Variants in RPTOR observed in about 807,000 individuals in gnomAD.
RPTOR encodes regulatory associated protein of MTOR complex 1.
In RPTOR, 21 loss-of-function variants were observed where a neutral mutation model predicts 169.9. The observed-to-expected ratio is 0.12, with a 90% CI of 0.09 to 0.18. The LOEUF (loss-of-function observed/expected upper bound fraction) is 0.18, where lower values mean the gene tolerates loss of function less well. Ranked by LOEUF, RPTOR falls within the 10% of genes least tolerant of loss-of-function variation. The probability of loss-of-function intolerance (pLI) is 1.00; values close to 1 mark genes in which losing one functional copy is unlikely to be tolerated. For synonymous variants in RPTOR, 732 were observed against 753.2 expected, an observed-to-expected ratio of 0.97 and a Z score of 0.46; for missense variants, 1,133 against 1,855.9, an observed-to-expected ratio of 0.61 and a Z score of 7.16.
At chr17:80,867,968 G>A (rs952830261) in intron 13 of RPTOR, among the ~76,000 whole-genome samples, 1 of 152,106 alleles carries the variant, frequency 6.6e-6, no homozygotes, top group African/African-American at 2.4e-5. Flanking sequence ...CTTTGAAAAA[G>A]AAAAACACAG....
In RPTOR at chr17:80,609,163, C is replaced by T. The variant is rs755272223; in HGVS notation, c.163-16528C>T. Among the ~76,000 whole-genome samples, 6 of 152,058 alleles carry T rather than the reference C, an allele frequency of 3.9e-5. No individual in the cohort carries two copies. The highest frequency in any genetic ancestry group is 1.9e-4 in the East Asian group (1 of 5,176). On this transcript the variant is annotated intron_variant, in intron 1 of 33. Transcript: ENST00000306801. This position sits in a 1 kb window ranked among gnomAD's most constrained non-coding sequence, Gnocchi z 4.8. ...CTAGCCTGCCTCGGGCTGCAGGGGG[C>T]GGGGAGCACATGCGGCGTGCAGACC...
At chr17:80,743,537 A>T (rs905130979) in intron 5 of RPTOR, 5 of 820,270 alleles carry the variant, frequency 6.1e-6, no homozygotes, top group Non-Finnish European at 7.4e-6. Context: ...GAAAGAGGTC[A>T]TCAGTTCTTG....
chr17:80,586,055 C>T (rs1392532316), intron 1 of RPTOR, among the ~76,000 whole-genome samples: 1 of 152,046 alleles, frequency 6.6e-6, no homozygotes, highest in Non-Finnish European at 1.5e-5. Context: ...TGCAGTTTGT[C>T]GGGAGGCGCT....
intron 13 of RPTOR, among the ~76,000 whole-genome samples, chr17:80,868,545 T>C (rs2068017875): frequency 6.6e-6 from 1 of 152,214 alleles, no homozygotes; most frequent in Admixed American, 6.5e-5. Flanking sequence ...AAGTGTGCAC[T>C]ACCACTTTGC....
intron 26 of RPTOR, 115 bp downstream of exon 26, chr17:80,945,896 C>A: frequency 1.7e-6 from 1 of 578,272 alleles, no homozygotes; most frequent in Non-Finnish European, 2.9e-6. Context: ...GGCACTCACC[C>A]CGAGGCCCTT....
At chr17:80,783,289 C>T (rs2066959495) in intron 6 of RPTOR, among the ~76,000 whole-genome samples, 1 of 152,162 alleles carries the variant, frequency 6.6e-6, no homozygotes, top group South Asian at 2.1e-4. Flanking sequence ...TGTCCCCATC[C>T]CTTTTACTTT....
chr17:80,685,627 A>ATATTTTTTTTTT (rs1269766086), intron 3 of RPTOR, among the ~76,000 whole-genome samples: 3 of 30,700 alleles, frequency 9.8e-5, no homozygotes, highest in African/African-American at 1.7e-4. Flanking sequence ...ATATATATAT[A>ATATTTTTTTTTT]TTTTTTTTTT....
chr17:80,717,447 T>G (rs1252535002), intron 4 of RPTOR, among the ~76,000 whole-genome samples: 2 of 152,214 alleles, frequency 1.3e-5, no homozygotes, highest in Non-Finnish European at 2.9e-5. Context: ...AGCCAAGTCT[T>G]TCTTGGTTGT....
Position 80,962,401 on chromosome 17 carries a change from C to T in RPTOR, c.3693-60C>T, listed in dbSNP as rs1261789126. ...CCACACACCTGGTTCCACCGTCCCC[C>T]TGGCCAGGCCCCTCATGGGGCCTCC... On this transcript the variant is annotated intron_variant, in intron 31 of 33. Coordinates refer to ENST00000306801, the MANE Select transcript of RPTOR (RefSeq NM_020761.3). 2.1e-6 allele frequency: 3 copies of T among 1,410,174 alleles called. No homozygotes were observed. In the African/African-American group the frequency reaches 4.2e-5, roughly 20 times the overall value. 87.4% of individuals were successfully genotyped at this position (1,410,174 alleles called of 1,614,324 possible). A position where few individuals can be genotyped will look rare whatever the true frequency, so the allele number is the denominator to read the frequency against.
intron 21 of RPTOR, among the ~76,000 whole-genome samples, chr17:80,910,036 G>C (rs1361871410): frequency 6.6e-6 from 1 of 152,150 alleles, no homozygotes; most frequent in South Asian, 2.1e-4. Context: ...CTCATGGGTT[G>C]TCACTCTACC....
At chr17:80,683,439 G>T (rs1016165646) in intron 3 of RPTOR, among the ~76,000 whole-genome samples, 4 of 152,106 alleles carry the variant, frequency 2.6e-5, no homozygotes, top group Non-Finnish European at 5.9e-5. Flanking sequence ...TTAAGATGGC[G>T]TCCCCACATT....
chr17:80,964,617 T>C lies in RPTOR; in HGVS notation c.*287T>C. 2.1e-6 allele frequency: 1 copy of C among 482,654 alleles called. No homozygotes were observed. Among genetic ancestry groups the C allele is most frequent in the East Asian group, 3.4e-5 (1 of 29,828 alleles). The allele number at this position is 482,654 out of a possible 1,614,324, so 29.9% of individuals were successfully genotyped here. A position where few individuals can be genotyped will look rare whatever the true frequency, so the allele number is the denominator to read the frequency against. On this transcript the variant is annotated 3_prime_UTR_variant, in exon 34 of 34. Coordinates refer to ENST00000306801, the MANE Select transcript of RPTOR (RefSeq NM_020761.3). ...CGGCGCCTCTGTCCCTCTCCTGTTC[T>C]GTGTTTCTCTGAGACGCTGAAAGGG...
intron 1 of RPTOR, among the ~76,000 whole-genome samples, chr17:80,574,461 C>G (rs1313988715): frequency 6.6e-6 from 1 of 151,644 alleles, no homozygotes; most frequent in South Asian, 2.1e-4. Context: ...CCACCGCGCC[C>G]GGCCGGTTTT....
intron 6 of RPTOR, among the ~76,000 whole-genome samples, chr17:80,777,765 T>G (rs9904216): frequency 0.25 from 37,331 of 152,136 alleles, 4,627 homozygotes; most frequent in South Asian, 0.28. Flanking sequence ...CGTTTTGAGT[T>G]AATTTTTGTA....
intron 28 of RPTOR, among the ~76,000 whole-genome samples, chr17:80,954,111 C>T (rs1435864758): frequency 1.3e-5 from 2 of 152,010 alleles, no homozygotes; most frequent in African/African-American, 4.8e-5. Flanking sequence ...CAGGCGCACA[C>T]CACTGCAACG....
At chr17:80,791,280 A>C (rs17848624) in intron 6 of RPTOR, among the ~76,000 whole-genome samples, 170 bp from the exon 7 acceptor site, 8,203 of 152,160 alleles carry the variant, frequency 0.054, 267 homozygotes, top group Non-Finnish European at 0.081. Flanking sequence ...AATGGCAATG[A>C]GATTTTCTTT....
intron 28 of RPTOR, among the ~76,000 whole-genome samples, chr17:80,949,866 C>A (rs1196363666): frequency 6.6e-6 from 1 of 152,256 alleles, no homozygotes; most frequent in Non-Finnish European, 1.5e-5. Context: ...CTAAAGGGCC[C>A]GCATCACGGG....
chr17:80,843,732 G>A (rs987314019), intron 10 of RPTOR, among the ~76,000 whole-genome samples: 1 of 152,212 alleles, frequency 6.6e-6, no homozygotes, highest in Non-Finnish European at 1.5e-5. Context: ...AGCCATCTCA[G>A]AATGTCCAGA....
rs926413986 is a variant in RPTOR, at chr17:80,651,083, C to T, written c.348+7273C>T. On this transcript the variant is annotated intron_variant, in intron 3 of 33. Transcript: ENST00000306801. The surrounding 1 kb of genome is among the most constrained non-coding windows in gnomAD (Gnocchi z 4.1). The stretch of plus-strand genomic sequence containing the variant: ...AACTGTAGCTCAGCTGTTGTCGTTT[C>T]ACAGATCTCACGTGCCATGTGTGTT... Among the ~76,000 whole-genome samples, 3 of 152,298 alleles carry T rather than the reference C, an allele frequency of 2.0e-5. No homozygotes were observed. The highest frequency in any genetic ancestry group is 6.5e-5 in the Admixed American group (1 of 15,298).
Sources: allele counts gnomAD v4.1 joint callset (sites outside exome capture counted in the v4.1 genomes callset), GRCh38; gene constraint gnomAD v4.1.1; non-coding constraint Gnocchi (gnomAD v3.1); transcripts MANE v1.5; gene names NCBI Gene and HGNC (gene_info 2026-07-23, HGNC 2026-07-21).